The following ACSL6 variants were observed in gnomAD, a reference collection of about 807,000 sequenced individuals.
The protein encoded by ACSL6 is long-chain-fatty-acid--CoA ligase 6.
A neutral mutation model predicts 98.2 loss-of-function variants in ACSL6; 47 were observed. The observed-to-expected ratio is 0.48, with a 90% CI of 0.38 to 0.61. ACSL6 has a LOEUF of 0.61. ACSL6 is among the 20% of genes least tolerant of loss of function. ACSL6 has a pLI of 0.00. For missense variants in ACSL6, 761 were observed against 913.4 expected (o/e 0.83, Z 2.15); for synonymous variants, 362 against 336.9 (o/e 1.07, Z -0.82).
intron 6 of ACSL6, 119 bp downstream of exon 6, chr5:131,988,686 T>C (rs1754332882): frequency 6.3e-7 from 1 of 1,581,624 alleles, no homozygotes; most frequent in African/African-American, 1.3e-5. Context: ...AAGCCCCTAG[T>C]ATTTTCTGAG....
At chr5:132,000,251 G>A (rs1378809689) in intron 1 of ACSL6, among the ~76,000 whole-genome samples, 1 of 152,112 alleles carries the variant, frequency 6.6e-6, no homozygotes, top group Non-Finnish European at 1.5e-5. Context: ...CTGGACCAAG[G>A]ATCAGAGCCA....
chr5:131,972,730 C>T lies in ACSL6; in HGVS notation c.1332G>A (p.Lys444=). 6.2e-7 allele frequency: 1 copy of T among 1,614,112 alleles called. No individual in the cohort carries two copies. Residue 444 remains lysine, a synonymous_variant, in exon 13 of 21, where the codon AAG becomes AAA. Coordinates refer to ENST00000651883, the MANE Select transcript of ACSL6 (RefSeq NM_001009185.3). ...CACTTGTTCATTTTCTTACCTGAAT[C>T]TTATTAAAGAAGAGTTCATCCCAGA... The part of the protein sequence containing the change: ...DSIWDELFFN[K]IQASLGGCVR...
intron 11 of ACSL6, 23 bp downstream of exon 11, chr5:131,974,870 G>C (rs370239492): frequency 1.9e-6 from 3 of 1,614,030 alleles, no homozygotes; most frequent in Non-Finnish European, 8.5e-7. Context: ...GGCAAGGCCC[G>C]GTCAGTCAGG....
chr5:131,966,860 C>T (rs1420434825), intron 16 of ACSL6, among the ~76,000 whole-genome samples: 1 of 152,234 alleles, frequency 6.6e-6, no homozygotes, highest in African/African-American at 2.4e-5. Flanking sequence ...TGATGGCTGG[C>T]TGATTCTACC....
intron 10 of ACSL6, chr5:131,975,638 C>G (rs1328261664): frequency 1.0e-6 from 1 of 985,280 alleles, no homozygotes; most frequent in East Asian, 1.1e-4. Context: ...GGAATGCTGA[C>G]AGGGAGCCCT....
At chr5:132,008,027 C>T (rs1755506200) in intron 1 of ACSL6, among the ~76,000 whole-genome samples, 1 of 152,186 alleles carries the variant, frequency 6.6e-6, no homozygotes, top group Non-Finnish European at 1.5e-5. Context: ...TCTGCTGCCC[C>T]CTGGTGTCAG....
chr5:131,951,293 G>A lies in ACSL6; in HGVS notation c.*2941C>T, dbSNP rs1752144071. On this transcript the variant is annotated 3_prime_UTR_variant, in exon 21 of 21. Coordinates refer to ENST00000651883, the MANE Select transcript of ACSL6 (RefSeq NM_001009185.3). ...ATCACCTTTTTCTATCTCTGTTAAT[G>A]AGAAATACAGATTTTTTTCTCCTCC... The A allele has an allele frequency of 4.8e-6, 1 of 206,770 alleles. No individual in the cohort carries two copies. Among genetic ancestry groups the A allele is most frequent in the Non-Finnish European group, 9.9e-6 (1 of 101,428 alleles). 12.8% of individuals were successfully genotyped at this position (206,770 alleles called of 1,614,324 possible).
chr5:131,997,134 C>T lies in ACSL6; in HGVS notation c.50-2883G>A, dbSNP rs543558870. ...GGATATGCTGAGCTTTCAGCAGTCA[C>T]GGTATTACCATGGTCCTCAGTGGGA... On this transcript the variant is annotated intron_variant, in intron 1 of 20. Coordinates refer to ENST00000651883, the MANE Select transcript of ACSL6 (RefSeq NM_001009185.3). Among the ~76,000 whole-genome samples, 25 of 152,344 alleles carry T rather than the reference C, an allele frequency of 1.6e-4. 3 individuals are homozygous for T. Among genetic ancestry groups the T allele is most frequent in the South Asian group, 6.2e-4 (3 of 4,828 alleles).
chr5:131,986,333 T>C (rs253948), intron 8 of ACSL6, among the ~76,000 whole-genome samples: 123,976 of 152,060 alleles, frequency 0.82, 50,982 homozygotes, highest in African/African-American at 0.86. Flanking sequence ...AAGTTGAAAA[T>C]CCCCACATGG....
At chr5:131,959,972 G>A (rs769125298) in intron 19 of ACSL6, among the ~76,000 whole-genome samples, 2 of 152,156 alleles carry the variant, frequency 1.3e-5, no homozygotes, top group Non-Finnish European at 2.9e-5. Flanking sequence ...TGTGACTCAA[G>A]GGGCTACACT....
Position 131,988,899 on chromosome 5 carries a change from G to GATCC in ACSL6, c.554_557dup (p.Ile186MetfsTer20). Reference sequence around the variant, plus strand: ...ATGTGTAGCAGGCCAGCTCCACAATGATCCACTGTGGAGACACATGAGGCG... The same window carrying GATCC: ...ATGTGTAGCAGGCCAGCTCCACAATGATCCATCCACTGTGGAGACACATGAGGCG... On this transcript the variant is annotated frameshift_variant, in exon 6 of 21. Transcript: ENST00000651883. LOFTEE classifies it high-confidence loss of function. The GATCC allele has an allele frequency of 1.2e-6, 2 of 1,609,244 alleles. No homozygotes were observed. Among genetic ancestry groups the GATCC allele is most frequent in the Non-Finnish European group, 1.7e-6 (2 of 1,175,940 alleles).
chr5:132,000,237 C>T (rs571321294), intron 1 of ACSL6, among the ~76,000 whole-genome samples: 10 of 152,118 alleles, frequency 6.6e-5, no homozygotes, highest in Non-Finnish European at 1.3e-4. Flanking sequence ...GGAGTGAGGA[C>T]ACTCTGGACC....
upstream of ACSL6, chr5:132,012,120 G>T: frequency 1.6e-6 from 1 of 618,556 alleles, no homozygotes; most frequent in Non-Finnish European, 2.5e-6. Flanking sequence ...CCTGTGGGCT[G>T]TTGCCCGCTG....
intron 8 of ACSL6, 32 bp from the exon 9 acceptor site, chr5:131,985,490 A>G (rs768986147): frequency 6.2e-7 from 1 of 1,612,384 alleles, no homozygotes; most frequent in Non-Finnish European, 8.5e-7. Context: ...TGTGTTAGGG[A>G]GACCCAGTGT....
At position 131,960,569 on chromosome 5, in the gene ACSL6, G is replaced by A. The variant is rs1752654663; in HGVS notation, c.1910C>T (p.Ala637Val). 7 of 1,614,018 alleles carry A rather than the reference G, an allele frequency of 4.3e-6. No individual in the cohort carries two copies. The East Asian group carries it at 1.3e-4, about 31-fold the overall frequency. The change falls in exon 19 of 21, where the codon GCC becomes GTC. Residue 637 changes from alanine (A) to valine (V), a missense_variant. Transcript: ENST00000651883. ...TGTTCCTTCAATTCCTCTCTTCTGG[G>A]CCCAGGAGGGCATAACTTCAGGGTC... Reference protein sequence around the residue: ...VPDPEVMPSWAQKRGIEGTYA... With the variant: ...VPDPEVMPSWVQKRGIEGTYA...
At position 131,972,763 on chromosome 5, in the gene ACSL6, A is replaced by G. The variant is rs1314619515; in HGVS notation, c.1299T>C (p.Asn433=). The G allele has an allele frequency of 1.9e-6, 3 of 1,614,204 alleles. No homozygotes were observed. Among genetic ancestry groups the G allele is most frequent in the Non-Finnish European group, 2.5e-6 (3 of 1,180,042 alleles). The part of the protein sequence containing the change: ...QAEVRSGIIR[N]DSIWDELFFN... ...AGAAGAGTTCATCCCAGATACTATC[A>G]TTCCTGATGATTCCACTCCGGACCT... Residue 433 remains asparagine, a synonymous_variant, in exon 13 of 21, where the codon AAT becomes AAC. Coordinates refer to ENST00000651883, the MANE Select transcript of ACSL6 (RefSeq NM_001009185.3).
chr5:131,980,069 G>A (rs1357065853), intron 9 of ACSL6, among the ~76,000 whole-genome samples: 1 of 152,210 alleles, frequency 6.6e-6, no homozygotes, highest in Non-Finnish European at 1.5e-5. Context: ...ATGGACTTGA[G>A]CTCAAGGTTT....
rs1752598867 is a variant in ACSL6, at chr5:131,959,730, C to CT, written c.1960-124_1960-123insA. The CT allele has an allele frequency of 5.8e-6, 5 of 868,646 alleles. No homozygotes were observed. The East Asian group carries it at 1.3e-4, about 22-fold the overall frequency. The allele number at this position is 868,646 out of a possible 1,614,324, so 53.8% of individuals were successfully genotyped here. On this transcript the variant is annotated intron_variant, in intron 19 of 20. Coordinates refer to ENST00000651883, the MANE Select transcript of ACSL6 (RefSeq NM_001009185.3). ...GTGCCAACATGTGCTAACCCACAGC[C>CT]CGCAACTGAGGCTGATACTCCCTGG...
At chr5:131,985,335 A>T (rs1754117785) in intron 9 of ACSL6, 72 bp downstream of exon 9, 1 of 1,586,278 alleles carries the variant, frequency 6.3e-7, no homozygotes, top group Non-Finnish European at 8.6e-7. Flanking sequence ...CAAAGACTCC[A>T]GCAGTCACCT....
Sources: allele counts gnomAD v4.1 joint callset (sites outside exome capture counted in the v4.1 genomes callset), GRCh38; gene constraint gnomAD v4.1.1; transcripts MANE v1.5; gene names NCBI Gene and HGNC (gene_info 2026-07-23, HGNC 2026-07-21).